Variants in FSTL4 observed in about 807,000 individuals in gnomAD.
The protein encoded by FSTL4 is follistatin like 4.
A neutral mutation model predicts 78.2 loss-of-function variants in FSTL4; 28 were observed. The ratio of observed to expected loss-of-function variants is 0.36; its 90% CI spans 0.27 to 0.49. The LOEUF (loss-of-function observed/expected upper bound fraction) is 0.49. Ranked by LOEUF, FSTL4 falls within the 20% of genes least tolerant of loss-of-function variation. The pLI is 0.98. For missense variants in FSTL4, 922 were observed against 1,084.9 expected (o/e 0.85, Z 2.11); for synonymous variants, 422 against 440.5 (o/e 0.96, Z 0.53).
At chr5:133,531,848 C>A (rs1283535110) in intron 3 of FSTL4, among the ~76,000 whole-genome samples, 1 of 152,202 alleles carries the variant, frequency 6.6e-6, no homozygotes, top group Non-Finnish European at 1.5e-5. Context: ...TAGGACACAA[C>A]CCTTCAATAA....
chr5:133,656,334 G>A, the FSTL4 span, among the ~76,000 whole-genome samples: 1 of 152,148 alleles, frequency 6.6e-6, no homozygotes, highest in Non-Finnish European at 1.5e-5. Flanking sequence ...GAGGGAGCTG[G>A]AGTGTTTATA....
At chr5:133,501,664 G>A (rs150045229) in intron 3 of FSTL4, among the ~76,000 whole-genome samples, 50 of 152,284 alleles carry the variant, frequency 3.3e-4, no homozygotes, top group African/African-American at 9.9e-4. Flanking sequence ...ATTCCATGCC[G>A]TAACCCCTGG....
chr5:133,743,878 T>C, the FSTL4 span, among the ~76,000 whole-genome samples: 1 of 152,204 alleles, frequency 6.6e-6, no homozygotes, highest in African/African-American at 2.4e-5. Context: ...GGTTCAGGAA[T>C]AGTCAGGTGA....
At chr5:133,776,384 G>A in the FSTL4 span, among the ~76,000 whole-genome samples, 1 of 152,140 alleles carries the variant, frequency 6.6e-6, no homozygotes, top group Non-Finnish European at 1.5e-5. Flanking sequence ...TTGAGTTCCA[G>A]TAACATCTCC....
intron 3 of FSTL4, among the ~76,000 whole-genome samples, chr5:133,558,930 G>A (rs1759857376): frequency 6.6e-6 from 1 of 152,110 alleles, no homozygotes; most frequent in Non-Finnish European, 1.5e-5. Context: ...TTAGAGGAGA[G>A]GTCTCCCCTT....
At chr5:133,568,968 A>G (rs963292442) in intron 2 of FSTL4, among the ~76,000 whole-genome samples, 2 of 152,158 alleles carry the variant, frequency 1.3e-5, no homozygotes, top group Non-Finnish European at 2.9e-5. Context: ...TTTCAAGAGT[A>G]TTTTATAGTT....
chr5:133,621,124 G>A, the FSTL4 span, among the ~76,000 whole-genome samples: 1 of 152,302 alleles, frequency 6.6e-6, no homozygotes, highest in East Asian at 1.9e-4. Flanking sequence ...CATTTGGCCG[G>A]GCTTGGTGGC....
the FSTL4 span, among the ~76,000 whole-genome samples, chr5:133,661,915 T>C: frequency 5.9e-5 from 9 of 152,362 alleles, no homozygotes; most frequent in East Asian, 1.9e-4. Context: ...TAGTCACTCA[T>C]CGTGTATTCA....
intron 3 of FSTL4, among the ~76,000 whole-genome samples, chr5:133,418,672 T>G (rs1756628924): frequency 6.6e-6 from 1 of 152,204 alleles, no homozygotes; most frequent in South Asian, 2.1e-4. Context: ...ATGTGGTACT[T>G]GAATAAGGAG....
rs546274498 is a variant in FSTL4, at chr5:133,446,394, C to T, written c.161-45408G>A. Among the ~76,000 whole-genome samples the T allele has an allele frequency of 1.8e-4, 27 of 152,278 alleles. No homozygotes were observed. In the East Asian group the frequency reaches 3.7e-3, roughly 21 times the overall value. ...GGTGGAGGCTGCAGTGAGCCGAGAT[C>T]GAACCATGCCACTGTGCTGCAACAG... On this transcript the variant is annotated intron_variant, in intron 3 of 15. Coordinates refer to ENST00000265342, the MANE Select transcript of FSTL4 (RefSeq NM_015082.2).
rs576910490 is a variant in FSTL4 at position 133,201,078 on chromosome 5, A to T, written c.1826+855T>A. ...TGGCTTTCTTCCTTGGGTGAGGGTGAATGGGTGCATCTCCAGCAACAACTT... is the reference window on the plus strand; with the variant it reads ...TGGCTTTCTTCCTTGGGTGAGGGTGTATGGGTGCATCTCCAGCAACAACTT... On this transcript the variant is annotated intron_variant, in intron 15 of 15. Transcript: ENST00000265342. Among the ~76,000 whole-genome samples the T allele has an allele frequency of 2.3e-4, 35 of 152,202 alleles. No individual in the cohort carries two copies. In the South Asian group the frequency reaches 3.3e-3, roughly 14 times the overall value.
chr5:133,550,799 G>A (rs1431310494), intron 3 of FSTL4, among the ~76,000 whole-genome samples: 2 of 152,216 alleles, frequency 1.3e-5, no homozygotes, highest in Non-Finnish European at 2.9e-5. Flanking sequence ...GAGATCATAT[G>A]AGTAATAAGA....
At chr5:133,625,790 T>TATATATATTCC in the FSTL4 span, among the ~76,000 whole-genome samples, 4 of 8,614 alleles carry the variant, frequency 4.6e-4, 1 homozygote, top group Admixed American at 2.1e-3. Flanking sequence ...ATATTCCATA[T>TATATATATTCC]ATATATATAT....
the FSTL4 span, among the ~76,000 whole-genome samples, chr5:133,622,246 T>C: frequency 6.6e-6 from 1 of 152,258 alleles, no homozygotes; most frequent in South Asian, 2.1e-4. Flanking sequence ...CTCCTTTGTA[T>C]GACTGAGTAG....
At chr5:133,708,430 T>C in the FSTL4 span, among the ~76,000 whole-genome samples, 2 of 152,166 alleles carry the variant, frequency 1.3e-5, no homozygotes, top group Non-Finnish European at 2.9e-5. Context: ...GTCCCTGACC[T>C]TCACTATGTG....
At chr5:133,434,360 A>T (rs1756999432) in intron 3 of FSTL4, among the ~76,000 whole-genome samples, 1 of 152,206 alleles carries the variant, frequency 6.6e-6, no homozygotes, top group African/African-American at 2.4e-5. Flanking sequence ...ATAAATATAC[A>T]TATGTACTTT....
the FSTL4 span, among the ~76,000 whole-genome samples, chr5:133,836,440 C>T: frequency 7.9e-5 from 12 of 152,184 alleles, no homozygotes; most frequent in East Asian, 2.1e-3. Context: ...TTCATTTGTC[C>T]CAAACCCACT....
intron 4 of FSTL4, among the ~76,000 whole-genome samples, chr5:133,344,231 A>T (rs946518542): frequency 2.0e-5 from 3 of 152,230 alleles, no homozygotes; most frequent in Non-Finnish European, 4.4e-5. Context: ...CAATTGGACA[A>T]ATTAAACACC....
the FSTL4 span, among the ~76,000 whole-genome samples, chr5:133,688,534 C>T: frequency 6.6e-6 from 1 of 152,232 alleles, no homozygotes; most frequent in Non-Finnish European, 1.5e-5. Flanking sequence ...TTGTCATTGA[C>T]TTGAAAATGC....
Sources: gnomAD v4.1 joint callset for allele counts (sites outside exome capture counted in the v4.1 genomes callset) on GRCh38, gnomAD v4.1.1 for gene constraint, MANE v1.5 for transcripts, NCBI Gene and HGNC (gene_info 2026-07-23, HGNC 2026-07-21) for gene names.